The following DMD variants were observed in gnomAD, a reference collection of about 807,000 sequenced individuals.
The protein encoded by DMD is dystrophin.
A neutral mutation model predicts 330.1 loss-of-function variants in DMD; 63 were observed. That is an observed-to-expected ratio of 0.19 (90% CI 0.16 to 0.24). The LOEUF is 0.24. Ranked by LOEUF, DMD falls within the 10% of genes least tolerant of loss-of-function variation. The pLI is 1.00. For synonymous variants in DMD, 1,223 were observed against 959.8 expected (o/e 1.27, Z -5.07); for missense variants, 3,344 against 2,684.1 (o/e 1.25, Z -5.43).
rs963296009 is a variant in DMD, at chrX:31,898,496, C to A, written c.6913-23123G>T. Among the ~76,000 whole-genome samples, 13 of 111,201 alleles carry A rather than the reference C, an allele frequency of 1.2e-4. No individual in the cohort carries two copies. The Admixed American group carries it at 1.2e-3, about 11-fold the overall frequency. ...TACAACTATCTGATCTTTGACAAAC[C>A]TGAGAAAAACAAGCAATGGGGAAAG... On this transcript the variant is annotated intron_variant, in intron 47 of 78. Transcript: ENST00000357033.
At position 32,626,563 on chromosome X, in the gene DMD, T is replaced by C. The variant is rs2058358578; in HGVS notation, c.1332-12110A>G. Among the ~76,000 whole-genome samples, 3 of 105,314 alleles carry C rather than the reference T, an allele frequency of 2.8e-5. No individual in the cohort carries two copies. In the Admixed American group the frequency reaches 3.0e-4, roughly 10 times the overall value. 91.5% of individuals were successfully genotyped at this position (105,314 alleles called of 115,157 possible). A position where few individuals can be genotyped will look rare whatever the true frequency, so the allele number is the denominator to read the frequency against. ...AGTTTTGGTTTTAGCTTAACAATTC[T>C]TTATATGCAACTAGATGCTTCTAGA... is the stretch of plus-strand genomic sequence containing the variant. On this transcript the variant is annotated intron_variant, in intron 11 of 78. Transcript: ENST00000357033.
intron 55 of DMD, among the ~76,000 whole-genome samples, chrX:31,560,879 C>T (rs978959751): frequency 2.0e-4 from 22 of 112,125 alleles, no homozygotes; most frequent in East Asian, 1.4e-3. Context: ...GCAAAGTATA[C>T]GCTAATCACT....
In DMD at chrX:32,606,722, C is replaced by CATAT. The variant is rs59502866; in HGVS notation, c.1482+7577_1482+7580dup. 2.4e-3 allele frequency among the ~76,000 whole-genome samples: 204 copies of CATAT among 85,887 alleles called. 1 individual carries two copies. The highest frequency in any genetic ancestry group is 8.4e-3 in the Admixed American group (60 of 7,135). The allele number at this position is 85,887 out of a possible 115,157, so 74.6% of individuals were successfully genotyped here. ...ACATGTATATATGTGTGTATATACG[C>CATAT]ATATATATATATATATATATACACA... is the stretch of plus-strand genomic sequence containing the variant. On this transcript the variant is annotated intron_variant, in intron 12 of 78. Coordinates refer to ENST00000357033, the MANE Select transcript of DMD (RefSeq NM_004006.3).
At chrX:31,647,867 A>G (rs1040334389) in intron 54 of DMD, among the ~76,000 whole-genome samples, 26 of 112,263 alleles carry the variant, frequency 2.3e-4, no homozygotes, top group African/African-American at 8.4e-4. Context: ...AGATATTTGA[A>G]ACACACAACT....
At chrX:32,715,402 A>G (rs1038888158) in intron 7 of DMD, among the ~76,000 whole-genome samples, 14 of 99,022 alleles carry the variant, frequency 1.4e-4, no homozygotes, top group Non-Finnish European at 2.6e-4. Flanking sequence ...TCTTAAAGCC[A>G]GGAAGTGGAG....
At chrX:31,244,136 C>A (rs956359225) in intron 63 of DMD, among the ~76,000 whole-genome samples, 4 of 111,874 alleles carry the variant, frequency 3.6e-5, no homozygotes, top group African/African-American at 1.3e-4. Flanking sequence ...TTAAAACTTA[C>A]AGAAACCCAT....
chrX:31,609,455 C>G (rs1395451515), intron 55 of DMD, among the ~76,000 whole-genome samples: 1 of 111,386 alleles, frequency 9.0e-6, no homozygotes, highest in African/African-American at 3.2e-5. Flanking sequence ...AAAAAGTCTT[C>G]TTAGTCAGAT....
At chrX:31,439,110 G>C in intron 60 of DMD, among the ~76,000 whole-genome samples, 1 of 111,625 alleles carries the variant, frequency 9.0e-6, no homozygotes, top group Non-Finnish European at 1.9e-5. Context: ...GTAAACCAGA[G>C]ATAATAATGG....
intron 63 of DMD, among the ~76,000 whole-genome samples, chrX:31,228,191 G>A (rs1241984800): frequency 2.9e-5 from 3 of 103,781 alleles, no homozygotes; most frequent in African/African-American, 1.1e-4. Flanking sequence ...CACCAGCATG[G>A]CACATGTATA....
chrX:31,401,910 C>T (rs2061208953), intron 60 of DMD, among the ~76,000 whole-genome samples: 2 of 111,465 alleles, frequency 1.8e-5, no homozygotes, highest in African/African-American at 6.5e-5. Context: ...TACTGCTTCC[C>T]CAAGACTACT....
intron 60 of DMD, among the ~76,000 whole-genome samples, chrX:31,356,402 T>C (rs946337685): frequency 1.2e-4 from 13 of 110,925 alleles, no homozygotes; most frequent in African/African-American, 4.3e-4. Context: ...CTTTATTATG[T>C]TCTATACAAC....
chrX:31,600,396 AAGG>A (rs1373056337), intron 55 of DMD, among the ~76,000 whole-genome samples: 1 of 111,453 alleles, frequency 9.0e-6, no homozygotes, highest in African/African-American at 3.3e-5. Flanking sequence ...ACATTCAAAG[AAGG>A]AGTATTATTA....
chrX:33,137,491 AT>A (rs1439684575), intron 1 of DMD, among the ~76,000 whole-genome samples: 2 of 112,339 alleles, frequency 1.8e-5, no homozygotes, highest in Admixed American at 1.9e-4. Context: ...ATCAATTATT[AT>A]TTTAACATTT....
At chrX:32,646,550 G>A (rs1000215215) in intron 9 of DMD, among the ~76,000 whole-genome samples, 25 of 111,232 alleles carry the variant, frequency 2.2e-4, no homozygotes, top group Non-Finnish European at 3.6e-4. Flanking sequence ...AACAGAAGCT[G>A]TTTGGGGGAT....
intron 11 of DMD, among the ~76,000 whole-genome samples, chrX:32,633,511 A>G (rs2058884804): frequency 9.0e-6 from 1 of 111,418 alleles, no homozygotes; most frequent in South Asian, 3.7e-4. Context: ...AACTCATCCA[A>G]CTTCTGTCTG....
intron 15 of DMD, among the ~76,000 whole-genome samples, chrX:32,571,826 T>C (rs2052455297): frequency 9.0e-6 from 1 of 111,571 alleles, no homozygotes; most frequent in Non-Finnish European, 1.9e-5. Context: ...AACTTCTGCC[T>C]CTTATCACAA....
chrX:32,074,216 T>C (rs2147823810), intron 44 of DMD, among the ~76,000 whole-genome samples: 1 of 111,606 alleles, frequency 9.0e-6, no homozygotes, highest in South Asian at 3.8e-4. Flanking sequence ...GCCTCCCCAG[T>C]GCAATTTTAG....
intron 59 of DMD, among the ~76,000 whole-genome samples, chrX:31,470,304 G>A (rs1235404650): frequency 8.1e-5 from 9 of 111,467 alleles, no homozygotes; most frequent in Non-Finnish European, 5.6e-5. Flanking sequence ...CCTCATCTTC[G>A]TGGATTTATC....
rs1310866595 is a variant in DMD at position 32,183,780 on chromosome X, A to T, written c.6438+33136T>A. Among the ~76,000 whole-genome samples the T allele has an allele frequency of 1.1e-4, 12 of 109,639 alleles. No homozygotes were observed. In the South Asian group the frequency reaches 4.6e-3, roughly 42 times the overall value. ...TCCCAAACTACAACTACAAATGTTT[A>T]AATATCTTTTTAAACTGAGTGTGCA... On this transcript the variant is annotated intron_variant, in intron 44 of 78. Coordinates refer to ENST00000357033, the MANE Select transcript of DMD (RefSeq NM_004006.3).
Sources: gnomAD v4.1 joint callset for allele counts (sites outside exome capture counted in the v4.1 genomes callset) on GRCh38, gnomAD v4.1.1 for gene constraint, MANE v1.5 for transcripts, NCBI Gene and HGNC (gene_info 2026-07-23, HGNC 2026-07-21) for gene names.